The following GLI2 variants were observed in gnomAD, a reference collection of about 807,000 sequenced individuals.
GLI2 encodes GLI family zinc finger 2.
GLI2 carries 22 observed loss-of-function variants against 78.9 expected under a neutral mutation model. The observed-to-expected ratio is 0.28, with a 90% CI of 0.20 to 0.40. The LOEUF (loss-of-function observed/expected upper bound fraction) is 0.40. Ranked by LOEUF, GLI2 falls within the 10% of genes least tolerant of loss-of-function variation. The pLI, the probability that GLI2 is intolerant of heterozygous loss-of-function variation, is 1.00. For synonymous variants in GLI2, 974 were observed against 963.7 expected (o/e 1.01, Z -0.20); for missense variants, 2,097 against 2,213.2 (o/e 0.95, Z 1.05).
At position 120,955,296 on chromosome 2, in the gene GLI2, G is replaced by A; in HGVS notation, c.509G>A (p.Gly170Asp). The change falls in exon 5 of 14, where the codon GGC becomes GAC. Residue 170 changes from glycine (G) to aspartate (D), a missense_variant. Gly to Asp is a moderately conservative substitution (Grantham distance 94). This residue lies in a region of GLI2 where 578 missense variants were observed against 612.0 expected (regional missense o/e 0.94). Coordinates refer to ENST00000361492, the MANE Select transcript of GLI2 (RefSeq NM_001374353.1). ...ERGLFGLPAP[G>D]TTPSDYYHQM... is the part of the protein sequence containing the mutation. Reference sequence around the variant, plus strand: ...GGACTGTTTGGCCTTCCTGCTCCAGGCACCACCCCCTCAGACTATTACCAC... The same window carrying A: ...GGACTGTTTGGCCTTCCTGCTCCAGACACCACCCCCTCAGACTATTACCAC... 3 of 1,612,566 alleles carry A rather than the reference G, an allele frequency of 1.9e-6. No individual in the cohort carries two copies. The highest frequency in any genetic ancestry group is 2.2e-5 in the South Asian group (2 of 91,032).
chr2:120,884,537 C>T (rs772151082), intron 2 of GLI2, among the ~76,000 whole-genome samples: 33 of 152,286 alleles, frequency 2.2e-4, no homozygotes, highest in Admixed American at 2.6e-4. Flanking sequence ...ATCAAATTTA[C>T]GGCTGTGCCT....
chr2:120,990,106 G>T lies in GLI2; in HGVS notation c.4141G>T (p.Ala1381Ser). ...AVQQQLAYAR[A>S]TGHAMAAMPS... The stretch of plus-strand genomic sequence containing the variant: ...GCAGCAGCAGCTGGCCTACGCCAGG[G>T]CCACAGGCCATGCCATGGCTGCCAT... The change falls in exon 14 of 14, where the codon GCC (alanine) becomes TCC (serine). Residue 1381 changes from alanine to serine, a missense_variant. This residue lies in a region of GLI2 where 1,290 missense variants were observed against 1,261.7 expected (regional missense o/e 1.02). Transcript: ENST00000361492. 1 of 1,601,162 alleles carries T rather than the reference G, an allele frequency of 6.2e-7. No homozygotes were observed. Among genetic ancestry groups the T allele is most frequent in the Non-Finnish European group, 8.5e-7 (1 of 1,172,264 alleles).
At chr2:120,802,044 C>T (rs1249545480) in intron 2 of GLI2, among the ~76,000 whole-genome samples, 1 of 152,204 alleles carries the variant, frequency 6.6e-6, no homozygotes, top group African/African-American at 2.4e-5. Context: ...TGCCTCAGTT[C>T]CCTCATCCAT....
At chr2:120,746,525 C>T (rs1000617327) in intron 1 of GLI2, among the ~76,000 whole-genome samples, 5 of 152,192 alleles carry the variant, frequency 3.3e-5, no homozygotes, top group African/African-American at 1.2e-4. Flanking sequence ...CATGCCTATC[C>T]CTCTTTCTTC....
At chr2:120,809,361 G>A (rs1306630918) in intron 2 of GLI2, among the ~76,000 whole-genome samples, 3 of 152,194 alleles carry the variant, frequency 2.0e-5, no homozygotes, top group Non-Finnish European at 4.4e-5. Flanking sequence ...GGGGCTGGGA[G>A]AAGAGGGAAT....
At chr2:120,743,974 A>G (rs1192621546) in intron 1 of GLI2, among the ~76,000 whole-genome samples, 1 of 152,248 alleles carries the variant, frequency 6.6e-6, no homozygotes, top group Non-Finnish European at 1.5e-5. Context: ...CACTCTTCTT[A>G]GCCAGCCGCT....
chr2:120,810,450 C>G (rs748550722), intron 2 of GLI2, among the ~76,000 whole-genome samples: 1 of 152,200 alleles, frequency 6.6e-6, no homozygotes, highest in Non-Finnish European at 1.5e-5. Flanking sequence ...CTGGAGCCCT[C>G]ATTTAGTCCC....
At position 120,760,685 on chromosome 2, in the gene GLI2, G is replaced by T. The variant is rs1293043105; in HGVS notation, c.-31+24400G>T. On this transcript the variant is annotated intron_variant, in intron 1 of 13. Transcript: ENST00000361492. ...TTGCTTGGTTAGCTCTTGGACCACA[G>T]AAGTCAATCTTTTCCAGTGGCTCAG... 2.0e-5 allele frequency among the ~76,000 whole-genome samples: 3 copies of T among 152,316 alleles called. No homozygotes were observed. In the East Asian group the frequency reaches 5.8e-4, roughly 29 times the overall value.
chr2:120,761,822 G>A (rs981221478), intron 1 of GLI2, among the ~76,000 whole-genome samples: 2 of 152,196 alleles, frequency 1.3e-5, no homozygotes, highest in African/African-American at 2.4e-5. Context: ...AGCTTTCTTG[G>A]TGTATGGCTT....
chr2:120,914,071 G>A (rs988419284), intron 2 of GLI2, among the ~76,000 whole-genome samples: 10 of 152,262 alleles, frequency 6.6e-5, no homozygotes, highest in East Asian at 3.8e-4. Flanking sequence ...TTCACGACCC[G>A]TGGGGACCAG....
chr2:120,804,851 G>T (rs1467576623), intron 2 of GLI2, among the ~76,000 whole-genome samples: 2 of 152,218 alleles, frequency 1.3e-5, no homozygotes, highest in African/African-American at 2.4e-5. Context: ...TGAGGTTGGA[G>T]ACTTCTTCCT....
At chr2:120,868,643 C>T (rs1002060482) in intron 2 of GLI2, among the ~76,000 whole-genome samples, 1 of 152,166 alleles carries the variant, frequency 6.6e-6, no homozygotes, top group Non-Finnish European at 1.5e-5. Flanking sequence ...TGAGACCTTC[C>T]TGGGAGCTGC....
chr2:120,938,179 G>T (rs1680284214), intron 3 of GLI2, among the ~76,000 whole-genome samples: 1 of 152,042 alleles, frequency 6.6e-6, no homozygotes, highest in African/African-American at 2.4e-5. Flanking sequence ...ACTCCCCCAG[G>T]GCCTCCTCCC....
At chr2:120,988,136 G>A in intron 13 of GLI2, 72 bp from the exon 14 acceptor site, 3 of 1,376,792 alleles carry the variant, frequency 2.2e-6, no homozygotes, top group Non-Finnish European at 3.0e-6. Flanking sequence ...GGCCCAGTGC[G>A]ATGACTGAGC....
rs1309798076 is a variant in GLI2, at chr2:120,737,489, G to GA, written c.-31+1208dup. ...TGGCTCCTAGAGTTGATCCCAGCTG[G>GA]AAAAGTAGACCTGTCCCTACTGTCT... On this transcript the variant is annotated intron_variant, in intron 1 of 13. Coordinates refer to ENST00000361492, the MANE Select transcript of GLI2 (RefSeq NM_001374353.1). The surrounding 1 kb of genome is among the most constrained non-coding windows in gnomAD (Gnocchi z 4.3). Among the ~76,000 whole-genome samples the GA allele has an allele frequency of 2.0e-5, 3 of 152,150 alleles. 1 individual carries two copies. The highest frequency in any genetic ancestry group is 7.2e-5 in the African/African-American group (3 of 41,424).
chr2:120,794,527 G>A (rs1004916266), intron 1 of GLI2, among the ~76,000 whole-genome samples: 3 of 152,184 alleles, frequency 2.0e-5, no homozygotes, highest in Non-Finnish European at 4.4e-5. Context: ...GACCCAGAGG[G>A]GAAAGAGTGC....
chr2:120,905,981 G>A (rs898502947), intron 2 of GLI2, among the ~76,000 whole-genome samples: 1 of 151,654 alleles, frequency 6.6e-6, no homozygotes. Context: ...GCCACCCTTC[G>A]CCCAGATGGG....
At chr2:120,857,454 C>T (rs1445590009) in intron 2 of GLI2, among the ~76,000 whole-genome samples, 1 of 115,536 alleles carries the variant, frequency 8.7e-6, no homozygotes, top group Non-Finnish European at 1.8e-5. Flanking sequence ...TCTGCTCACC[C>T]ACCCACCTAC....
At chr2:120,831,667 C>T (rs1038706785) in intron 2 of GLI2, among the ~76,000 whole-genome samples, 1 of 152,118 alleles carries the variant, frequency 6.6e-6, no homozygotes, top group African/African-American at 2.4e-5. Flanking sequence ...CACACAGCCC[C>T]CGGTGGTGCA....
Sources: allele counts gnomAD v4.1 joint callset (sites outside exome capture counted in the v4.1 genomes callset), GRCh38; gene constraint gnomAD v4.1.1; regional missense constraint gnomAD v4.1.1; non-coding constraint Gnocchi (gnomAD v3.1); transcripts MANE v1.5; gene names NCBI Gene and HGNC (gene_info 2026-07-23, HGNC 2026-07-21).